The following TTF1 variants were observed in gnomAD, a reference collection of about 807,000 sequenced individuals.
TTF1 encodes transcription termination factor 1, also known as transcription termination factor, RNA polymerase I.
A neutral mutation model predicts 80.2 loss-of-function variants in TTF1; 64 were observed. The observed-to-expected ratio is 0.80, with a 90% CI of 0.65 to 0.98. TTF1 has a LOEUF of 0.98. TTF1 is among the 50% of genes least tolerant of loss of function. The probability of loss-of-function intolerance (pLI) is 0.00; values close to 1 mark genes in which losing one functional copy is unlikely to be tolerated. For synonymous variants in TTF1, 372 were observed against 382.7 expected (o/e 0.97, Z 0.33); for missense variants, 1,023 against 1,086.2 (o/e 0.94, Z 0.82).
chr9:132,402,556 C>T lies in TTF1; in HGVS notation c.266G>A (p.Arg89Lys), dbSNP rs140212994. Residue 89 changes from arginine (R) to lysine (K), a missense_variant, in exon 2 of 11, where the codon AGA (arginine) becomes AAA (lysine). Transcript: ENST00000334270. ...GTCCACCTCCAAAGCACTATATCTT[C>T]TCTTTTTTCTCTTTTTGAGTGTGGA... ...ATSTLKKRKK[R>K]RYSALEVDEE... is the part of the protein sequence containing the mutation. The T allele has an allele frequency of 3.7e-6, 6 of 1,614,204 alleles. No individual in the cohort carries two copies. Among genetic ancestry groups the T allele is most frequent in the Non-Finnish European group, 5.1e-6 (6 of 1,180,046 alleles).
In TTF1 at chr9:132,384,584, T is replaced by C. The variant is rs1849425605; in HGVS notation, c.2378+1972A>G. Among the ~76,000 whole-genome samples the C allele has an allele frequency of 6.6e-6, 1 of 152,190 alleles. No individual in the cohort carries two copies. Among genetic ancestry groups the C allele is most frequent in the Non-Finnish European group, 1.5e-5 (1 of 68,016 alleles). ...CCATCTACGGAAAATAGATACTGGT[T>C]TCCTGTAGGGCTACGCGTGGCTGGT... On this transcript the variant is annotated intron_variant, in intron 9 of 10. Coordinates refer to ENST00000334270, the MANE Select transcript of TTF1 (RefSeq NM_007344.4). This position sits in a 1 kb window ranked among gnomAD's most constrained non-coding sequence, Gnocchi z 4.1.
chr9:132,397,188 G>A (rs1334394967), intron 4 of TTF1, among the ~76,000 whole-genome samples: 1 of 152,152 alleles, frequency 6.6e-6, no homozygotes, highest in Non-Finnish European at 1.5e-5. Flanking sequence ...AAGATAATGT[G>A]AATTAAGAGG....
chr9:132,399,762 C>T lies in TTF1; in HGVS notation c.1591+273G>A, dbSNP rs868588113. Among the ~76,000 whole-genome samples, 5 of 152,262 alleles carry T rather than the reference C, an allele frequency of 3.3e-5. No individual in the cohort carries two copies. The South Asian group carries it at 8.3e-4, about 25-fold the overall frequency. The stretch of plus-strand genomic sequence containing the variant: ...CCAGTGTCTCAACCAATTAACCTCT[C>T]GTCCCTTCTCTTCTTAGTGGGAATT... On this transcript the variant is annotated intron_variant, in intron 3 of 10. Coordinates refer to ENST00000334270, the MANE Select transcript of TTF1 (RefSeq NM_007344.4).
chr9:132,392,295 A>T, intron 5 of TTF1, 89 bp from the exon 6 acceptor site: 1 of 1,500,842 alleles, frequency 6.7e-7, no homozygotes, highest in Non-Finnish European at 9.1e-7. Flanking sequence ...AATCGTGGGG[A>T]AAGCTGAATG....
intron 9 of TTF1, 48 bp from the exon 10 acceptor site, chr9:132,379,192 T>G (rs762230562): frequency 7.0e-7 from 1 of 1,431,642 alleles, no homozygotes; most frequent in Non-Finnish European, 9.6e-7. Context: ...TTTAAAAATC[T>G]ATCATTTCAA....
At chr9:132,381,328 T>C (rs2131623514) in intron 9 of TTF1, among the ~76,000 whole-genome samples, 1 of 152,024 alleles carries the variant, frequency 6.6e-6, no homozygotes, top group East Asian at 1.9e-4. Context: ...GTAGCTGGGA[T>C]TACAGGTACC....
intron 5 of TTF1, among the ~76,000 whole-genome samples, 193 bp downstream of exon 5, chr9:132,396,240 C>A (rs566080899): frequency 1.3e-5 from 2 of 152,260 alleles, no homozygotes; most frequent in South Asian, 2.1e-4. Flanking sequence ...AGAAGGTCAC[C>A]ACAGCTTCAC....
chr9:132,394,994 C>G (rs924311512), intron 5 of TTF1, among the ~76,000 whole-genome samples: 1 of 151,808 alleles, frequency 6.6e-6, no homozygotes, highest in Admixed American at 6.6e-5. Context: ...GAGTTCCAGA[C>G]CAGTCTGACC....
At position 132,398,191 on chromosome 9, in the gene TTF1, T is replaced by C; in HGVS notation, c.1727A>G (p.Lys576Arg). 3 of 1,589,984 alleles carry C rather than the reference T, an allele frequency of 1.9e-6. No individual in the cohort carries two copies. The highest frequency in any genetic ancestry group is 1.2e-5 in the South Asian group (1 of 86,320). The change falls in exon 4 of 11, where the codon AAA becomes AGA. Residue 576 changes from lysine to arginine, a missense_variant. Physicochemically the swap from Lys to Arg is conservative, Grantham distance 26. Coordinates refer to ENST00000334270, the MANE Select transcript of TTF1 (RefSeq NM_007344.4). The part of the protein sequence containing the change: ...LLYTDRYPEE[K>R]SVITNLKRRY... ...CCTTTTTAAGTTGGTGATCACAGAT[T>C]TTTCCTCAGGATATCTGTCCGTGTA... is the stretch of plus-strand genomic sequence containing the variant.
intron 5 of TTF1, 73 bp downstream of exon 5, chr9:132,396,360 T>C: frequency 6.9e-7 from 1 of 1,439,726 alleles, no homozygotes; most frequent in Non-Finnish European, 9.8e-7. Context: ...TCCACTGCTG[T>C]GAATATTTTG....
chr9:132,392,654 C>T (rs1293702575), intron 5 of TTF1, among the ~76,000 whole-genome samples: 1 of 152,232 alleles, frequency 6.6e-6, no homozygotes, highest in Non-Finnish European at 1.5e-5. Flanking sequence ...TGCACTCACA[C>T]GTGCACTGGC....
Position 132,376,066 on chromosome 9 carries a change from G to A in TTF1, c.2567C>T (p.Pro856Leu), listed in dbSNP as rs764238557. The A allele has an allele frequency of 1.9e-6, 3 of 1,614,030 alleles. No homozygotes were observed. The highest frequency in any genetic ancestry group is 4.5e-5 in the East Asian group (2 of 44,896). ...KGTKIQTPAA[P>L]KQVFPFRDIF... The stretch of plus-strand genomic sequence containing the variant: ...GTCTCGAAATGGGAAAACTTGCTTG[G>A]GTGCTGCAGGAGTCTGGATTTTAGT... Residue 856 changes from proline (P) to leucine (L), a missense_variant, in exon 11 of 11, where the codon CCC becomes CTC. Physicochemically the swap from Pro to Leu is moderately conservative, Grantham distance 98. Transcript: ENST00000334270.
intron 7 of TTF1, 25 bp from the exon 8 acceptor site, chr9:132,388,253 A>G (rs1233228955): frequency 2.0e-6 from 3 of 1,534,390 alleles, no homozygotes; most frequent in Non-Finnish European, 1.8e-6. Flanking sequence ...AGAAAAACAT[A>G]GTTTACTTTC....
chr9:132,375,799 CA>C lies in TTF1; in HGVS notation c.*115del. ...CTGGGTTCAAGCAATTCTCCTGCCTCAGCCTCCCAAGTAGTTGAAATTACAG... is the reference window on the plus strand; with the variant it reads ...CTGGGTTCAAGCAATTCTCCTGCCTCGCCTCCCAAGTAGTTGAAATTACAG... On this transcript the variant is annotated 3_prime_UTR_variant, in exon 11 of 11. Transcript: ENST00000334270. 1.5e-6 allele frequency: 1 copy of C among 652,562 alleles called. No individual in the cohort carries two copies. The highest frequency in any genetic ancestry group is 2.9e-5 in the Admixed American group (1 of 34,394). 40.4% of individuals were successfully genotyped at this position (652,562 alleles called of 1,614,324 possible). A position where few individuals can be genotyped will look rare whatever the true frequency, so the allele number is the denominator to read the frequency against.
chr9:132,406,461 G>A (rs943370578), intron 1 of TTF1, among the ~76,000 whole-genome samples: 1 of 152,098 alleles, frequency 6.6e-6, no homozygotes. Flanking sequence ...AATTAGCTAG[G>A]CTTGGTGGCG....
At chr9:132,390,454 A>G in intron 7 of TTF1, 143 bp downstream of exon 7, 1 of 698,590 alleles carries the variant, frequency 1.4e-6, no homozygotes. Context: ...TCAGAGAGTG[A>G]TATGGAAGCA....
intron 9 of TTF1, among the ~76,000 whole-genome samples, chr9:132,382,803 C>A (rs1249181976): frequency 2.0e-5 from 3 of 150,682 alleles, no homozygotes; most frequent in Non-Finnish European, 4.4e-5. Context: ...TGGTGGCTCA[C>A]GCCTGTAATC....
At chr9:132,386,663 T>C in intron 8 of TTF1, 42 bp from the exon 9 acceptor site, 1 of 1,530,140 alleles carries the variant, frequency 6.5e-7, no homozygotes, top group East Asian at 2.3e-5. Context: ...GCAAAAATAA[T>C]CATGATAGCC....
intron 9 of TTF1, among the ~76,000 whole-genome samples, chr9:132,383,957 A>G (rs1472958083): frequency 6.6e-6 from 1 of 152,232 alleles, no homozygotes; most frequent in Admixed American, 6.5e-5. Flanking sequence ...GTTACTCTGT[A>G]TACAAGTCAT....
Sources: gnomAD v4.1 joint callset for allele counts (sites outside exome capture counted in the v4.1 genomes callset) on GRCh38, gnomAD v4.1.1 for gene constraint, Gnocchi (gnomAD v3.1) non-coding constraint, MANE v1.5 for transcripts, NCBI Gene and HGNC (gene_info 2026-07-23, HGNC 2026-07-21) for gene names.